Variants in SRD5A2 observed in about 807,000 individuals in gnomAD.
SRD5A2 encodes 3-oxo-5-alpha-steroid 4-dehydrogenase 2.
SRD5A2 carries 30 observed loss-of-function variants against 27.4 expected under a neutral mutation model. That is an observed-to-expected ratio of 1.10 (90% CI 0.82 to 1.49). The LOEUF (loss-of-function observed/expected upper bound fraction) is 1.49. SRD5A2 is among the 40% of genes most tolerant of loss of function. The pLI is 0.00. For missense variants in SRD5A2, 348 were observed against 323.4 expected (o/e 1.08, Z -0.58); for synonymous variants, 141 against 133.6 (o/e 1.06, Z -0.38).
At chr2:31,603,096 C>A in the SRD5A2 span, among the ~76,000 whole-genome samples, 1 of 152,052 alleles carries the variant, frequency 6.6e-6, no homozygotes, top group Non-Finnish European at 1.5e-5. Flanking sequence ...AGTTTTTGCA[C>A]AGCAAAAGAA....
At chr2:31,620,595 C>A in the SRD5A2 span, among the ~76,000 whole-genome samples, 1 of 151,948 alleles carries the variant, frequency 6.6e-6, no homozygotes, top group East Asian at 1.9e-4. Context: ...ATTGAACCCA[C>A]AATATCTCCA....
the SRD5A2 span, among the ~76,000 whole-genome samples, chr2:31,603,615 T>A: frequency 6.6e-6 from 1 of 152,030 alleles, no homozygotes; most frequent in Non-Finnish European, 1.5e-5. Context: ...GCAGCACTAT[T>A]CACAATAGCA....
the SRD5A2 span, among the ~76,000 whole-genome samples, chr2:31,617,528 T>C: frequency 6.6e-6 from 1 of 152,228 alleles, no homozygotes; most frequent in Non-Finnish European, 1.5e-5. Context: ...AAGGCTTTCT[T>C]TTCTATTGCA....
intron 1 of SRD5A2, among the ~76,000 whole-genome samples, chr2:31,566,507 T>C (rs981651252): frequency 6.6e-6 from 1 of 152,162 alleles, no homozygotes; most frequent in African/African-American, 2.4e-5. Context: ...TGATTAAGGA[T>C]GAAAGAGATG....
At position 31,540,761 on chromosome 2, in the gene SRD5A2, T is replaced by C. The variant is rs919632048; in HGVS notation, c.282-6995A>G. 3.9e-5 allele frequency among the ~76,000 whole-genome samples: 6 copies of C among 152,248 alleles called. No homozygotes were observed. In the East Asian group the frequency reaches 1.2e-3, roughly 29 times the overall value. ...CTCTTAGCACAGTAACAGCTACCCA[T>C]TTCCTATCCCCACCCCTGTGGCAGG... is the stretch of plus-strand genomic sequence containing the variant. On this transcript the variant is annotated intron_variant, in intron 1 of 4. Coordinates refer to ENST00000622030, the MANE Select transcript of SRD5A2 (RefSeq NM_000348.4).
chr2:31,631,590 C>A, the SRD5A2 span, among the ~76,000 whole-genome samples: 3 of 151,996 alleles, frequency 2.0e-5, no homozygotes, highest in Non-Finnish European at 2.9e-5. Context: ...TTAAAATAGA[C>A]CTAGGTAAAT....
intron 1 of SRD5A2, among the ~76,000 whole-genome samples, chr2:31,555,643 T>C (rs369063046): frequency 3.3e-5 from 5 of 152,300 alleles, no homozygotes; most frequent in African/African-American, 1.2e-4. Flanking sequence ...AACCACTGCA[T>C]TGATCTGGAC....
At position 31,524,292 on chromosome 2, in the gene SRD5A2, CCT is replaced by C. The variant is rs1558353511; in HGVS notation, c.*1902_*1903del. ...TACTTCACCAAGTGTGTTCATTCCC[CCT>C]GTGTATTCCTCAGCACCAGGAGTGG... On this transcript the variant is annotated 3_prime_UTR_variant, in exon 5 of 5. Coordinates refer to ENST00000622030, the MANE Select transcript of SRD5A2 (RefSeq NM_000348.4). 4.4e-6 allele frequency: 1 copy of C among 227,824 alleles called. No homozygotes were observed. Among genetic ancestry groups the C allele is most frequent in the East Asian group, 6.3e-5 (1 of 15,894 alleles). The allele number at this position is 227,824 out of a possible 1,614,324, so 14.1% of individuals were successfully genotyped here.
chr2:31,656,664 A>G, the SRD5A2 span, among the ~76,000 whole-genome samples: 1 of 152,320 alleles, frequency 6.6e-6, no homozygotes, highest in African/African-American at 2.4e-5. Flanking sequence ...ACATCTTGGA[A>G]GCAGAGAGAC....
chr2:31,656,557 C>T, the SRD5A2 span, among the ~76,000 whole-genome samples: 5 of 152,174 alleles, frequency 3.3e-5, no homozygotes, highest in East Asian at 3.9e-4. Context: ...TAAAAAAATA[C>T]GTTGGGGGAA....
intron 1 of SRD5A2, among the ~76,000 whole-genome samples, chr2:31,559,469 C>T (rs1359238744): frequency 2.0e-5 from 3 of 151,980 alleles, no homozygotes; most frequent in African/African-American, 7.2e-5. Flanking sequence ...GTGCTAGAAC[C>T]TACTATTCTT....
At position 31,529,361 on chromosome 2, in the gene SRD5A2, G is replaced by A. The variant is rs34552434; in HGVS notation, c.644C>T (p.Ala215Val). The A allele has an allele frequency of 5.0e-5, 80 of 1,613,786 alleles. No individual in the cohort carries two copies. Among genetic ancestry groups the A allele is most frequent in the Non-Finnish European group, 6.6e-5 (78 of 1,179,822 alleles). Reference sequence around the variant, plus strand: ...GAAACAAAGTGAGAAAAATGCAAATGCAAGTGCTGGGAGGGACCAAGTGGC... The same window carrying A: ...GAAACAAAGTGAGAAAAATGCAAATACAAGTGCTGGGAGGGACCAAGTGGC... The part of the protein sequence containing the change: ...ALATWSLPAL[A>V]FAFFSLCFLG... Residue 215 changes from alanine (A) to valine (V), a missense_variant, in exon 4 of 5, where the codon GCA becomes GTA. Physicochemically the swap from Ala to Val is moderately conservative, Grantham distance 64. Transcript: ENST00000622030.
intron 1 of SRD5A2, among the ~76,000 whole-genome samples, chr2:31,546,441 C>A (rs1457432694): frequency 6.6e-6 from 1 of 152,140 alleles, no homozygotes; most frequent in African/African-American, 2.4e-5. Context: ...ACATATACAT[C>A]TTGGAATACT....
chr2:31,587,726 A>G, the SRD5A2 span, among the ~76,000 whole-genome samples: 1 of 152,130 alleles, frequency 6.6e-6, no homozygotes, highest in African/African-American at 2.4e-5. Context: ...GGAGGGGAAC[A>G]TTATACACCA....
At chr2:31,651,502 T>C in the SRD5A2 span, 19 of 220,102 alleles carry the variant, frequency 8.6e-5, no homozygotes, top group Non-Finnish European at 1.9e-4. Flanking sequence ...ATGACTGACT[T>C]TACCCAATGT....
upstream of SRD5A2, among the ~76,000 whole-genome samples, chr2:31,583,651 C>CAAAAAAAA (rs1558379512): frequency 1.5e-5 from 1 of 66,514 alleles, no homozygotes; most frequent in Non-Finnish European, 2.9e-5. Context: ...AAAAAAAAAA[C>CAAAAAAAA]CAAAAAAAAA....
chr2:31,531,564 G>T (rs1665909337), intron 2 of SRD5A2, 92 bp from the exon 3 acceptor site: 2 of 828,860 alleles, frequency 2.4e-6, no homozygotes, highest in East Asian at 2.7e-5. Context: ...GAAAGGAGGG[G>T]CATTTAATTT....
upstream of SRD5A2, among the ~76,000 whole-genome samples, chr2:31,585,580 G>A (rs1236741798): frequency 1.3e-5 from 2 of 152,202 alleles, no homozygotes; most frequent in African/African-American, 4.8e-5. Flanking sequence ...GCTTTGAAGG[G>A]AAAGACCCAG....
chr2:31,595,322 A>G, the SRD5A2 span, among the ~76,000 whole-genome samples: 1 of 152,228 alleles, frequency 6.6e-6, no homozygotes, highest in Non-Finnish European at 1.5e-5. Context: ...ATTAACCAAG[A>G]AAAGAAGAGA....
Sources: gnomAD v4.1 joint callset for allele counts (sites outside exome capture counted in the v4.1 genomes callset) on GRCh38, gnomAD v4.1.1 for gene constraint, MANE v1.5 for transcripts, NCBI Gene and HGNC (gene_info 2026-07-23, HGNC 2026-07-21) for gene names.